The following PTPRN2 variants were observed in gnomAD, a reference collection of about 807,000 sequenced individuals.
PTPRN2 encodes the protein protein tyrosine phosphatase receptor type N2, also known as receptor-type tyrosine-protein phosphatase N2.
Under a neutral mutation model 118.8 loss-of-function variants are expected in PTPRN2, and 74 were observed. The observed-to-expected ratio is 0.62, with a 90% confidence interval of 0.52 to 0.76. PTPRN2 has a LOEUF of 0.76. Among genes scored for constraint, PTPRN2 ranks in the 30% least tolerant of loss-of-function variants. The pLI, the probability that PTPRN2 is intolerant of heterozygous loss-of-function variation, is 0.00. For missense variants in PTPRN2, 1,481 were observed against 1,394.4 expected, an observed-to-expected ratio of 1.06 and a Z score of -0.99; for synonymous variants, 641 against 608.0, an observed-to-expected ratio of 1.05 and a Z score of -0.80.
At chr7:157,746,653 C>T (rs1020382927) in intron 12 of PTPRN2, among the ~76,000 whole-genome samples, 10 of 151,706 alleles carry the variant, frequency 6.6e-5, no homozygotes, top group Non-Finnish European at 1.5e-4. Context: ...CCTCTATACA[C>T]CCCACAGTCT....
chr7:157,739,431 C>T (rs1003182479), intron 12 of PTPRN2: 1 of 152,180 alleles, frequency 6.6e-6, no homozygotes, highest in Non-Finnish European at 1.5e-5. Context: ...CCCAGGGGCA[C>T]CTTCGTTGTA....
At chr7:158,192,223 C>T in intron 5 of PTPRN2, 104 bp downstream of exon 5, 1 of 1,274,706 alleles carries the variant, frequency 7.8e-7, no homozygotes. Flanking sequence ...GCCCGGGAAA[C>T]AGGCGCAAAG....
chr7:157,723,358 C>T (rs1331993891), intron 12 of PTPRN2, among the ~76,000 whole-genome samples: 6 of 152,142 alleles, frequency 3.9e-5, no homozygotes, highest in South Asian at 4.2e-4. Context: ...CCCTGGTGTC[C>T]CCTGGCCTTT....
At chr7:158,019,871 C>T (rs1172567767) in intron 11 of PTPRN2, among the ~76,000 whole-genome samples, 1 of 152,220 alleles carries the variant, frequency 6.6e-6, no homozygotes, top group African/African-American at 2.4e-5. Context: ...AGCACAGCGG[C>T]CCCCGGCATC....
intron 13 of PTPRN2, among the ~76,000 whole-genome samples, chr7:157,659,087 CCCACCGGCA>C (rs988563269): frequency 1.9e-4 from 29 of 151,768 alleles, no homozygotes; most frequent in African/African-American, 6.5e-4. Context: ...GTCTGCCAAG[CCCACCGGCA>C]CCACACCATC....
intron 12 of PTPRN2, among the ~76,000 whole-genome samples, chr7:157,726,349 C>T (rs929589203): frequency 1.6e-4 from 24 of 146,804 alleles, no homozygotes; most frequent in Non-Finnish European, 2.4e-4. Context: ...GTGGCCATAC[C>T]CTCGCCTCCC....
intron 6 of PTPRN2, among the ~76,000 whole-genome samples, chr7:158,162,082 C>A (rs1225917033): frequency 1.3e-5 from 2 of 152,158 alleles, no homozygotes; most frequent in Non-Finnish European, 2.9e-5. Context: ...ACATTGACAA[C>A]ACCCAATGCA....
chr7:157,844,022 G>A (rs994792130), intron 12 of PTPRN2, among the ~76,000 whole-genome samples: 3 of 152,188 alleles, frequency 2.0e-5, no homozygotes, highest in Non-Finnish European at 4.4e-5. Context: ...CTGCACGGAG[G>A]AGGGGGCGGC....
intron 18 of PTPRN2, among the ~76,000 whole-genome samples, chr7:157,577,230 G>C (rs1254184727): frequency 6.6e-6 from 1 of 152,222 alleles, no homozygotes; most frequent in Non-Finnish European, 1.5e-5. Flanking sequence ...AGCAGGAAAA[G>C]CAAAAGGCTC....
chr7:158,406,073 GCA>G (rs1311573642), intron 2 of PTPRN2, among the ~76,000 whole-genome samples: 12 of 105,238 alleles, frequency 1.1e-4, no homozygotes, highest in East Asian at 2.6e-4. Context: ...CTGAGATCCC[GCA>G]GTGGCTCATC....
At chr7:158,039,837 T>C (rs772205859) in intron 11 of PTPRN2, among the ~76,000 whole-genome samples, 2 of 152,126 alleles carry the variant, frequency 1.3e-5, no homozygotes, top group Non-Finnish European at 2.9e-5. Flanking sequence ...ATACCCATGA[T>C]GAATATGAGA....
intron 9 of PTPRN2, among the ~76,000 whole-genome samples, chr7:158,121,689 C>A (rs1403585920): frequency 1.3e-5 from 2 of 152,210 alleles, no homozygotes; most frequent in Non-Finnish European, 2.9e-5. Context: ...TCCTACAACA[C>A]CCTGAACACA....
chr7:158,173,526 A>G (rs992679074), intron 5 of PTPRN2, among the ~76,000 whole-genome samples: 5 of 152,206 alleles, frequency 3.3e-5, no homozygotes, highest in Non-Finnish European at 5.9e-5. Context: ...TGAAATTAGA[A>G]TTACTGATGA....
chr7:157,975,367 G>A (rs1455083771), intron 11 of PTPRN2, among the ~76,000 whole-genome samples: 1 of 152,078 alleles, frequency 6.6e-6, no homozygotes, highest in Non-Finnish European at 1.5e-5. Context: ...TCATGTCTGA[G>A]AGCCTCTCCA....
chr7:158,084,474 T>A (rs1466183554), intron 10 of PTPRN2, among the ~76,000 whole-genome samples: 1 of 152,016 alleles, frequency 6.6e-6, no homozygotes, highest in Non-Finnish European at 1.5e-5. Flanking sequence ...ATTGAATAAA[T>A]CCCATGTGCA....
intron 2 of PTPRN2, among the ~76,000 whole-genome samples, chr7:158,326,573 T>C (rs1803543217): frequency 6.6e-6 from 1 of 152,108 alleles, no homozygotes; most frequent in African/African-American, 2.4e-5. Context: ...CATTCTCACA[T>C]ACACGTCCTC....
intron 2 of PTPRN2, among the ~76,000 whole-genome samples, chr7:158,486,287 G>A (rs1255261472): frequency 1.3e-5 from 2 of 152,198 alleles, no homozygotes; most frequent in Non-Finnish European, 2.9e-5. Context: ...CTCACTTCCC[G>A]ACATAAGCGT....
intron 2 of PTPRN2, among the ~76,000 whole-genome samples, chr7:158,324,735 C>G (rs1359946883): frequency 6.6e-6 from 1 of 151,914 alleles, no homozygotes; most frequent in Non-Finnish European, 1.5e-5. Flanking sequence ...GGTCCTGTTG[C>G]TTGGAGATAC....
intron 11 of PTPRN2, among the ~76,000 whole-genome samples, chr7:157,981,613 T>C (rs1803157691): frequency 6.6e-6 from 1 of 152,102 alleles, no homozygotes; most frequent in Non-Finnish European, 1.5e-5. Flanking sequence ...GTTTACTTTA[T>C]TTTAAAAAAT....
Sources: gnomAD v4.1 joint callset for allele counts (sites outside exome capture counted in the v4.1 genomes callset) on GRCh38, gnomAD v4.1.1 for gene constraint, MANE v1.5 for transcripts, NCBI Gene and HGNC (gene_info 2026-07-23, HGNC 2026-07-21) for gene names.